KIAA1210: variants seen among roughly 807,000 people sequenced by gnomAD.
The protein encoded by KIAA1210 is acrosomal protein KIAA1210.
A neutral mutation model predicts 78.9 loss-of-function variants in KIAA1210; 48 were observed. The ratio of observed to expected loss-of-function variants is 0.61; its 90% CI spans 0.48 to 0.77. KIAA1210 has a LOEUF of 0.77. Among genes scored for constraint, KIAA1210 ranks in the 30% least tolerant of loss-of-function variants. The pLI, the probability that KIAA1210 is intolerant of heterozygous loss-of-function variation, is 0.00. For missense variants in KIAA1210, 1,108 were observed against 1,100.0 expected (o/e 1.01, Z -0.10); for synonymous variants, 406 against 404.5 (o/e 1.00, Z -0.04).
chrX:119,080,461 C>T lies in KIAA1210; in HGVS notation c.*868G>A, dbSNP rs114927367. 8.9e-6 allele frequency: 1 copy of T among 111,864 alleles called. No homozygotes were observed. The highest frequency in any genetic ancestry group is 1.9e-5 in the Non-Finnish European group (1 of 53,139). 9.2% of individuals were successfully genotyped at this position (111,864 alleles called of 1,213,427 possible). A position where few individuals can be genotyped will look rare whatever the true frequency, so the allele number is the denominator to read the frequency against. ...TCTTGGAGACCCAGAATTTTCACTT[C>T]CACCGCCTCTTTTAGGATCCCTTGC... is the stretch of plus-strand genomic sequence containing the variant. On this transcript the variant is annotated 3_prime_UTR_variant, in exon 12 of 12. Coordinates refer to ENST00000691062, the MANE Select transcript of KIAA1210 (RefSeq NM_001394962.1).
intron 2 of KIAA1210, among the ~76,000 whole-genome samples, chrX:119,143,182 A>G (rs1373871998): frequency 1.8e-5 from 2 of 112,011 alleles, no homozygotes; most frequent in African/African-American, 6.5e-5. Context: ...GGGGGATGAG[A>G]CTTTCTGCAG....
At chrX:119,117,018 AGCAATGATTGAG>A (rs1318739326) in intron 2 of KIAA1210, among the ~76,000 whole-genome samples, 2 of 112,340 alleles carry the variant, frequency 1.8e-5, no homozygotes, top group African/African-American at 6.5e-5. Context: ...ATTCATGTGA[AGCAATGATTGAG>A]GCAATGAAAG....
chrX:119,147,455 A>G (rs768036493), intron 2 of KIAA1210: 13 of 1,208,820 alleles, frequency 1.1e-5, no homozygotes, highest in Non-Finnish European at 1.5e-5. Context: ...TACCTGTTGC[A>G]GAAGCTCTCA....
upstream of KIAA1210, among the ~76,000 whole-genome samples, chrX:119,129,261 C>A (rs1928728866): frequency 9.0e-6 from 1 of 110,955 alleles, no homozygotes; most frequent in African/African-American, 3.3e-5. Flanking sequence ...AAAAAAAATT[C>A]TTCAATTTTT....
In KIAA1210 at chrX:119,088,726, C is replaced by T; in HGVS notation, c.1976G>A (p.Arg659Lys). 1.7e-6 allele frequency: 2 copies of T among 1,210,850 alleles called. No individual in the cohort carries two copies. The highest frequency in any genetic ancestry group is 1.1e-6 in the Non-Finnish European group (1 of 895,169). The change falls in exon 9 of 12, where the codon AGA (arginine) becomes AAA (lysine). Residue 659 changes from arginine to lysine, a missense_variant. This residue lies in a region of KIAA1210 where 672 missense variants were observed against 607.1 expected (regional missense o/e 1.11). Coordinates refer to ENST00000691062, the MANE Select transcript of KIAA1210 (RefSeq NM_001394962.1). ...LSSSEEELDL[R>K]CLSQALEEPE... ...CTCCTCTAAAGCCTGGGAGAGGCAT[C>T]TGAGGTCCAGCTCCTCCTCAGAGCT...
At chrX:119,105,795 C>T (rs1050654635) in intron 5 of KIAA1210, among the ~76,000 whole-genome samples, 26 of 111,804 alleles carry the variant, frequency 2.3e-4, no homozygotes, top group African/African-American at 8.5e-4. Context: ...ATTCAGCAGA[C>T]AATTTAGTTG....
chrX:119,112,888 T>C (rs925266164), intron 3 of KIAA1210, among the ~76,000 whole-genome samples: 1 of 111,916 alleles, frequency 8.9e-6, no homozygotes, highest in Non-Finnish European at 1.9e-5. Flanking sequence ...CCAAAACTTA[T>C]ACACAAATGT....
chrX:119,112,388 A>G (rs1928108831), intron 3 of KIAA1210, among the ~76,000 whole-genome samples: 1 of 111,874 alleles, frequency 8.9e-6, no homozygotes, highest in Admixed American at 9.5e-5. Flanking sequence ...TGAAACATAT[A>G]AAGAACTCTT....
upstream of KIAA1210, among the ~76,000 whole-genome samples, chrX:119,130,917 T>C (rs1427789271): frequency 9.0e-6 from 1 of 111,505 alleles, no homozygotes; most frequent in Non-Finnish European, 1.9e-5. Flanking sequence ...GCCCCAGAGC[T>C]GCCTTTTCCT....
At chrX:119,133,290 C>T (rs1275610453) in intron 2 of KIAA1210, among the ~76,000 whole-genome samples, 2 of 111,695 alleles carry the variant, frequency 1.8e-5, no homozygotes, top group East Asian at 2.8e-4. Flanking sequence ...TTGGACACTC[C>T]GTAATGAAGA....
rs919689574 is a variant in KIAA1210 at position 119,080,117 on chromosome X, C to T, written c.*1212G>A. On this transcript the variant is annotated 3_prime_UTR_variant, in exon 12 of 12. Transcript: ENST00000691062. ...TTTCAATAGGGTCTTCAGTGCTTAA[C>T]AGGATATATGTGATAGGCAGTGATT... 4 of 111,413 alleles carry T rather than the reference C, an allele frequency of 3.6e-5. No individual in the cohort carries two copies. The highest frequency in any genetic ancestry group is 1.3e-4 in the African/African-American group (4 of 30,515). 9.2% of individuals were successfully genotyped at this position (111,413 alleles called of 1,213,427 possible). A position where few individuals can be genotyped will look rare whatever the true frequency, so the allele number is the denominator to read the frequency against.
At chrX:119,139,676 C>A (rs1929002040) in intron 2 of KIAA1210, among the ~76,000 whole-genome samples, 1 of 111,651 alleles carries the variant, frequency 9.0e-6, no homozygotes, top group Non-Finnish European at 1.9e-5. Flanking sequence ...CACAATATAT[C>A]CATGTAACAC....
chrX:119,151,098 G>A (rs1304434555), upstream of KIAA1210, among the ~76,000 whole-genome samples: 10 of 112,468 alleles, frequency 8.9e-5, no homozygotes, highest in Admixed American at 5.6e-4. Context: ...GCGCCCACCC[G>A]CACGCAGCCC....
intron 1 of KIAA1210, among the ~76,000 whole-genome samples, chrX:119,127,051 G>C (rs1025435791): frequency 1.0e-5 from 1 of 97,962 alleles, no homozygotes; most frequent in Non-Finnish European, 2.1e-5. Context: ...TCCAGCCAGG[G>C]TGACAGGGTG....
chrX:119,092,387 G>A (rs1229737500), intron 8 of KIAA1210, among the ~76,000 whole-genome samples: 4 of 112,032 alleles, frequency 3.6e-5, no homozygotes, highest in African/African-American at 1.3e-4. Context: ...TCCATGATAT[G>A]GAAAATCAAC....
At chrX:119,109,291 A>T in intron 3 of KIAA1210, 89 bp from the exon 4 acceptor site, 2 of 913,114 alleles carry the variant, frequency 2.2e-6, no homozygotes, top group South Asian at 2.5e-5. Context: ...CCTACCATAG[A>T]TACCTCAGAA....
chrX:119,139,126 C>A (rs1038159369), intron 2 of KIAA1210, among the ~76,000 whole-genome samples: 8 of 111,891 alleles, frequency 7.1e-5, no homozygotes, highest in African/African-American at 2.6e-4. Flanking sequence ...ATCACTGATT[C>A]CTTGGCACTC....
chrX:119,090,178 CTTTT>C (rs150584772), intron 8 of KIAA1210, among the ~76,000 whole-genome samples: 3 of 95,190 alleles, frequency 3.2e-5, no homozygotes, highest in Non-Finnish European at 4.2e-5. Flanking sequence ...GCATGTATTG[CTTTT>C]TTTTTTTTTT....
At chrX:119,144,834 C>A (rs1188272758) in intron 2 of KIAA1210, among the ~76,000 whole-genome samples, 1 of 111,713 alleles carries the variant, frequency 9.0e-6, no homozygotes, top group African/African-American at 3.3e-5. Context: ...TCTTGTTTTA[C>A]AGATGAGAAA....
Sources: allele counts gnomAD v4.1 joint callset (sites outside exome capture counted in the v4.1 genomes callset), GRCh38; gene constraint gnomAD v4.1.1; regional missense constraint gnomAD v4.1.1; transcripts MANE v1.5; gene names NCBI Gene and HGNC (gene_info 2026-07-23, HGNC 2026-07-21).